The following PDLIM7 variants were observed in gnomAD, a reference collection of about 807,000 sequenced individuals.
The protein encoded by PDLIM7 is PDZ and LIM domain 7.
Under a neutral mutation model 53.9 loss-of-function variants are expected in PDLIM7, and 37 were observed. That is an observed-to-expected ratio of 0.69 (90% CI 0.53 to 0.90). The LOEUF is 0.90. Ranked by LOEUF, PDLIM7 falls within the 40% of genes least tolerant of loss-of-function variation. The pLI is 0.00. For missense variants in PDLIM7, 617 were observed against 638.5 expected (o/e 0.97, Z 0.36); for synonymous variants, 300 against 261.3 (o/e 1.15, Z -1.43).
In PDLIM7 at chr5:177,483,921, G is replaced by A; in HGVS notation, c.1233C>T (p.Asp411=). The change falls in exon 12 of 13, where the codon GAC becomes GAT. Residue 411 remains aspartate, a synonymous_variant. Coordinates refer to ENST00000355841, the MANE Select transcript of PDLIM7 (RefSeq NM_005451.5). The part of the protein sequence containing the change: ...HGCDFKIDAG[D]RFLEALGFSW... ...TGAAGCCCAGGGCCTCCAGGAAGCG[G>A]TCCCCAGCGTCGATCTTGAAGTCAC... The A allele has an allele frequency of 6.2e-7, 1 of 1,613,864 alleles. No homozygotes were observed. The highest frequency in any genetic ancestry group is 8.5e-7 in the Non-Finnish European group (1 of 1,179,988).
chr5:177,486,786 A>T (rs562501569), intron 10 of PDLIM7, among the ~76,000 whole-genome samples: 30 of 150,250 alleles, frequency 2.0e-4, no homozygotes, highest in Non-Finnish European at 1.3e-4. Context: ...CTACTCCACC[A>T]TGCCCGGCCA....
At chr5:177,486,822 G>A (rs1052643798) in intron 10 of PDLIM7, among the ~76,000 whole-genome samples, 3 of 150,982 alleles carry the variant, frequency 2.0e-5, no homozygotes, top group East Asian at 1.9e-4. Flanking sequence ...TAGTAGAGAT[G>A]GGGTTTCACC....
At chr5:177,485,211 A>G (rs531102232) in intron 10 of PDLIM7, among the ~76,000 whole-genome samples, 1 of 152,282 alleles carries the variant, frequency 6.6e-6, no homozygotes, top group South Asian at 2.1e-4. Context: ...GGAAGCATCA[A>G]CTGTTTTGTT....
chr5:177,491,861 G>A lies in PDLIM7; in HGVS notation c.344C>T (p.Thr115Met), dbSNP rs1758807889. 3.9e-6 allele frequency: 5 copies of A among 1,269,158 alleles called. No individual in the cohort carries two copies. The highest frequency in any genetic ancestry group is 6.4e-5 in the East Asian group (2 of 31,298). 78.6% of individuals were successfully genotyped at this position (1,269,158 alleles called of 1,614,324 possible). Residue 115 changes from threonine (T) to methionine (M), a missense_variant, in exon 5 of 13, where the codon ACG becomes ATG. Transcript: ENST00000355841. The stretch of plus-strand genomic sequence containing the variant: ...CGGGGGCGCCCCAAAGGGCCGGGCC[G>A]TCTTGTTGAGGGAGACGCTGGGTGC... ...TFAPSVSLNK[T>M]ARPFGAPPPA... is the part of the protein sequence containing the mutation.
intron 5 of PDLIM7, 143 bp downstream of exon 5, chr5:177,491,664 C>G: frequency 1.7e-6 from 1 of 604,870 alleles, no homozygotes; most frequent in Admixed American, 3.4e-5. Context: ...CCTGTGCCTG[C>G]AGCCCCACCC....
At chr5:177,490,508 C>T (rs564760373) in intron 7 of PDLIM7, 71 of 1,559,962 alleles carry the variant, frequency 4.6e-5, no homozygotes, top group Middle Eastern at 2.2e-4. Flanking sequence ...TACGACTGCA[C>T]GTTGAGCACG....
chr5:177,495,124 G>A (rs187949191), intron 2 of PDLIM7: 3 of 152,456 alleles, frequency 2.0e-5, no homozygotes, highest in Admixed American at 2.0e-4. Context: ...ACTTTCCCAG[G>A]GAGCAGGACG....
chr5:177,484,330 C>G, intron 10 of PDLIM7, 140 bp from the exon 11 acceptor site: 1 of 989,060 alleles, frequency 1.0e-6, no homozygotes, highest in Non-Finnish European at 1.5e-6. Context: ...ACTCCCACAC[C>G]TCCATCTCCA....
At chr5:177,485,777 G>C (rs1210689919) in intron 10 of PDLIM7, among the ~76,000 whole-genome samples, 2 of 152,132 alleles carry the variant, frequency 1.3e-5, no homozygotes, top group African/African-American at 4.8e-5. Context: ...TCGAGGCCAG[G>C]AGTTCGAGAC....
intron 10 of PDLIM7, among the ~76,000 whole-genome samples, chr5:177,487,467 T>G (rs889558275): frequency 6.6e-6 from 1 of 152,236 alleles, no homozygotes; most frequent in African/African-American, 2.4e-5. Context: ...GTGAGCATTT[T>G]GGCGGAGGCT....
chr5:177,495,461 C>G (rs1308911409), intron 2 of PDLIM7, among the ~76,000 whole-genome samples: 1 of 152,190 alleles, frequency 6.6e-6, no homozygotes. Flanking sequence ...GTCCCCACCC[C>G]CTCCTGACCC....
intron 2 of PDLIM7, among the ~76,000 whole-genome samples, chr5:177,495,293 C>T (rs1304735842): frequency 6.6e-6 from 1 of 152,132 alleles, no homozygotes; most frequent in Admixed American, 6.5e-5. Flanking sequence ...AACCCCCACG[C>T]CCAGCTCCTA....
chr5:177,493,818 G>C (rs1344752247), intron 2 of PDLIM7, among the ~76,000 whole-genome samples: 1 of 152,136 alleles, frequency 6.6e-6, no homozygotes, highest in Non-Finnish European at 1.5e-5. Flanking sequence ...AATTTCACTG[G>C]GTGGGGGGGA....
At chr5:177,491,348 C>G in intron 5 of PDLIM7, 3 of 1,548,610 alleles carry the variant, frequency 1.9e-6, no homozygotes, top group Non-Finnish European at 2.6e-6. Flanking sequence ...GGAGGGGCCG[C>G]CACCCAGAGT....
rs397882235 is a variant in PDLIM7 at position 177,493,831 on chromosome 5, T to TG, written c.97-1155dup. Among the ~76,000 whole-genome samples the TG allele has an allele frequency of 9.1e-5, 12 of 132,382 alleles. No homozygotes were observed. In the East Asian group the frequency reaches 1.3e-3, roughly 15 times the overall value. 86.8% of individuals were successfully genotyped at this position (132,382 alleles called of 152,430 possible). Reference sequence around the variant, plus strand: ...ACAATTTCACTGGGTGGGGGGGATCTGGGGGGGTCCAGGCTGCCAGTGGCC... The same window carrying TG: ...ACAATTTCACTGGGTGGGGGGGATCTGGGGGGGGTCCAGGCTGCCAGTGGCC... On this transcript the variant is annotated intron_variant, in intron 2 of 12. Transcript: ENST00000355841.
Position 177,496,435 on chromosome 5 carries a change from C to A in PDLIM7, c.78G>T (p.Val26=). The change falls in exon 2 of 13, where the codon GTG becomes GTT. Residue 26 remains valine, a synonymous_variant. Coordinates refer to ENST00000355841, the MANE Select transcript of PDLIM7 (RefSeq NM_005451.5). ...FRLQGGKDFN[V]PLSISRLTPG... ...GGCTCACCCGGGAAATGGAGAGGGG[C>A]ACATTGAAGTCCTTGCCCCCTTGCA... 6.3e-7 allele frequency: 1 copy of A among 1,598,596 alleles called. No homozygotes were observed. The highest frequency in any genetic ancestry group is 8.5e-7 in the Non-Finnish European group (1 of 1,172,380).
intron 2 of PDLIM7, among the ~76,000 whole-genome samples, chr5:177,495,568 C>T (rs936761790): frequency 2.0e-5 from 3 of 152,248 alleles, no homozygotes; most frequent in African/African-American, 7.2e-5. Flanking sequence ...GCTGGAGCTG[C>T]AGCCTGGTGA....
intron 2 of PDLIM7, 102 bp from the exon 3 acceptor site, chr5:177,492,779 A>G (rs746821997): frequency 3.1e-6 from 4 of 1,292,792 alleles, no homozygotes; most frequent in Non-Finnish European, 4.3e-6. Flanking sequence ...CCACTTCCAG[A>G]ACCCAGAGAG....
rs1361076534 is a variant in PDLIM7, at chr5:177,484,168, A to G, written c.1073T>C (p.Met358Thr). 2.5e-6 allele frequency: 4 copies of G among 1,613,640 alleles called. No individual in the cohort carries two copies. Among genetic ancestry groups the G allele is most frequent in the East Asian group, 2.2e-5 (1 of 44,886 alleles). The change falls in exon 11 of 13, where the codon ATG (methionine) becomes ACG (threonine). Residue 358 changes from methionine to threonine, a missense_variant. Transcript: ENST00000355841. Reference sequence around the variant, plus strand: ...GGTAAAGCAGTGCACGTGCCAGGTCATCTTCAGGGCGTGCATGATCTCCTG... The same window carrying G: ...GGTAAAGCAGTGCACGTGCCAGGTCGTCTTCAGGGCGTGCATGATCTCCTG... ...ITGEIMHALK[M>T]TWHVHCFTCA...
Sources: allele counts gnomAD v4.1 joint callset (sites outside exome capture counted in the v4.1 genomes callset), GRCh38; gene constraint gnomAD v4.1.1; transcripts MANE v1.5; gene names NCBI Gene and HGNC (gene_info 2026-07-23, HGNC 2026-07-21).